The following RANBP2 variants were observed in gnomAD, a reference collection of about 807,000 sequenced individuals.
RANBP2 encodes E3 SUMO-protein ligase RanBP2.
RANBP2 carries 57 observed loss-of-function variants against 303.6 expected under a neutral mutation model. The ratio of observed to expected loss-of-function variants is 0.19; its 90% CI spans 0.15 to 0.23. The LOEUF is 0.23. Ranked by LOEUF, RANBP2 falls within the 10% of genes least tolerant of loss-of-function variation. RANBP2 has a pLI of 1.00. For synonymous variants in RANBP2, 1,167 were observed against 1,301.5 expected (o/e 0.90, Z 2.23); for missense variants, 3,138 against 3,780.8 (o/e 0.83, Z 4.46).
chr2:108,929,398 C>T, the RANBP2 span: 25 of 1,613,524 alleles, frequency 1.5e-5, no homozygotes, highest in Non-Finnish European at 2.0e-5. Context: ...GGAAAGAGGA[C>T]AGGGGACACA....
At chr2:109,299,683 T>C in the RANBP2 span, among the ~76,000 whole-genome samples, 2 of 152,218 alleles carry the variant, frequency 1.3e-5, no homozygotes, top group African/African-American at 4.8e-5. Flanking sequence ...AAGCCAGTTC[T>C]GCCCGGAATG....
chr2:108,979,945 T>G, the RANBP2 span, among the ~76,000 whole-genome samples: 2 of 151,956 alleles, frequency 1.3e-5, no homozygotes, highest in Non-Finnish European at 2.9e-5. Flanking sequence ...TTATCCTGGC[T>G]GAGATGAGGT....
chr2:108,772,325 G>A (rs1677564976), intron 21 of RANBP2, among the ~76,000 whole-genome samples, 164 bp from the exon 22 acceptor site: 1 of 152,172 alleles, frequency 6.6e-6, no homozygotes, highest in African/African-American at 2.4e-5. Context: ...CAAACAAGAT[G>A]AGAGGCTGAG....
chr2:109,129,558 C>G, the RANBP2 span: 1 of 1,492,358 alleles, frequency 6.7e-7, no homozygotes, highest in Non-Finnish European at 8.9e-7. Context: ...TCGGAGCGTC[C>G]TGGCTGTGCG....
the RANBP2 span, among the ~76,000 whole-genome samples, chr2:109,139,601 A>G: frequency 6.6e-6 from 1 of 152,340 alleles, no homozygotes; most frequent in Non-Finnish European, 1.5e-5. Flanking sequence ...TTGGGAGTGT[A>G]TCTGCTGTCT....
the RANBP2 span, among the ~76,000 whole-genome samples, chr2:109,553,767 T>C: frequency 2.6e-5 from 4 of 151,782 alleles, no homozygotes; most frequent in African/African-American, 9.7e-5. Flanking sequence ...GGCAGGAGAA[T>C]TGCTTGAGCC....
chr2:108,885,328 A>AG, the RANBP2 span: 38 of 152,338 alleles, frequency 2.5e-4, no homozygotes, highest in African/African-American at 8.4e-4. Flanking sequence ...TTAGGCTGAG[A>AG]GAAAAAGTTA....
the RANBP2 span, among the ~76,000 whole-genome samples, chr2:109,324,078 C>T: frequency 6.6e-5 from 10 of 152,156 alleles, no homozygotes; most frequent in Non-Finnish European, 1.2e-4. Context: ...CCTTTTGTGT[C>T]TTACTTCTTT....
the RANBP2 span, among the ~76,000 whole-genome samples, chr2:109,220,175 A>T: frequency 1.3e-5 from 2 of 152,226 alleles, no homozygotes; most frequent in African/African-American, 4.8e-5. Flanking sequence ...GTCAATGAGG[A>T]ATGGGCAGCC....
chr2:108,730,785 C>G lies in RANBP2; in HGVS notation c.152C>G (p.Thr51Ser). ...CTTTTAAAAAACAGATACATATGTA[C>G]TTACATTAATGTGCAAGAGAGGGAT... The part of the protein sequence containing the change: ...EYDLAKKYIC[T>S]YINVQERDPK... The change falls in exon 3 of 29, where the codon ACT (threonine) becomes AGT (serine). Residue 51 changes from threonine (T) to serine (S), a missense_variant. This residue lies in a region of RANBP2 where 306 missense variants were observed against 381.9 expected (regional missense o/e 0.80). Transcript: ENST00000283195. 1.2e-6 allele frequency: 2 copies of G among 1,611,486 alleles called. No homozygotes were observed. The highest frequency in any genetic ancestry group is 1.7e-6 in the Non-Finnish European group (2 of 1,179,586).
the RANBP2 span, chr2:109,546,347 C>T: frequency 1.2e-5 from 7 of 581,428 alleles, no homozygotes; most frequent in Non-Finnish European, 1.4e-5. Flanking sequence ...GAATAACCTA[C>T]ACAGTCAAAA....
chr2:109,596,656 C>G, the RANBP2 span, among the ~76,000 whole-genome samples: 1 of 151,690 alleles, frequency 6.6e-6, no homozygotes, highest in Non-Finnish European at 1.5e-5. Context: ...AGGCTTTATA[C>G]TCATTTGCCA....
At chr2:109,264,521 C>G in the RANBP2 span, among the ~76,000 whole-genome samples, 1 of 152,260 alleles carries the variant, frequency 6.6e-6, no homozygotes, top group African/African-American at 2.4e-5. Flanking sequence ...TAGAAGATGG[C>G]AAAGTGAATC....
the RANBP2 span, among the ~76,000 whole-genome samples, chr2:109,709,860 G>A: frequency 6.6e-6 from 1 of 152,140 alleles, no homozygotes; most frequent in Non-Finnish European, 1.5e-5. Context: ...GGCTGAGGAG[G>A]GCAGATCACC....
chr2:108,853,907 T>C, the RANBP2 span, among the ~76,000 whole-genome samples: 1 of 121,100 alleles, frequency 8.3e-6, no homozygotes, highest in Non-Finnish European at 1.6e-5. Flanking sequence ...ATATTATATA[T>C]TATATAGTAT....
At chr2:109,237,567 G>T in the RANBP2 span, among the ~76,000 whole-genome samples, 54 of 152,080 alleles carry the variant, frequency 3.6e-4, no homozygotes, top group Non-Finnish European at 5.7e-4. Context: ...ACACAAATTC[G>T]CAAACTTTCT....
chr2:109,131,450 C>T, the RANBP2 span, among the ~76,000 whole-genome samples: 6 of 152,140 alleles, frequency 3.9e-5, no homozygotes, highest in South Asian at 1.2e-3. Context: ...AATTAAATAT[C>T]TTTATTTGCA....
chr2:109,348,250 A>G, the RANBP2 span, among the ~76,000 whole-genome samples: 3 of 152,200 alleles, frequency 2.0e-5, no homozygotes, highest in African/African-American at 7.2e-5. Context: ...CCCTCAGTTA[A>G]CCTGAGTCAT....
At chr2:109,437,602 G>A in the RANBP2 span, among the ~76,000 whole-genome samples, 187 of 152,280 alleles carry the variant, frequency 1.2e-3, 1 homozygote, top group African/African-American at 3.5e-3. Flanking sequence ...CCAGCTAGGC[G>A]GCATCTCACA....
Sources: gnomAD v4.1 joint callset for allele counts (sites outside exome capture counted in the v4.1 genomes callset) on GRCh38, gnomAD v4.1.1 for gene constraint, gnomAD v4.1.1 regional missense constraint, MANE v1.5 for transcripts, NCBI Gene and HGNC (gene_info 2026-07-23, HGNC 2026-07-21) for gene names.